Variants in GRIP1 observed in about 807,000 individuals in gnomAD.
The protein encoded by GRIP1 is glutamate receptor-interacting protein 1.
A neutral mutation model predicts 129.9 loss-of-function variants in GRIP1; 45 were observed. The ratio of observed to expected loss-of-function variants is 0.35; its 90% CI spans 0.27 to 0.44. The LOEUF (loss-of-function observed/expected upper bound fraction) is 0.44, where lower values mean the gene tolerates loss of function less well. Ranked by LOEUF, GRIP1 falls within the 20% of genes least tolerant of loss-of-function variation. The pLI is 1.00. For missense variants in GRIP1, 1,196 were observed against 1,396.8 expected, an observed-to-expected ratio of 0.86 and a Z score of 2.29; for synonymous variants, 530 against 520.8, an observed-to-expected ratio of 1.02 and a Z score of -0.24.
intron 1 of GRIP1, among the ~76,000 whole-genome samples, chr12:66,788,673 G>T (rs1032488409): frequency 6.6e-6 from 1 of 152,042 alleles, no homozygotes; most frequent in Non-Finnish European, 1.5e-5. Context: ...GCATTTGCCG[G>T]GAGAAAAAGC....
chr12:66,907,829 C>G (rs972561822), intron 1 of GRIP1, among the ~76,000 whole-genome samples: 3 of 152,070 alleles, frequency 2.0e-5, no homozygotes, highest in Non-Finnish European at 1.5e-5. Flanking sequence ...TGCACAACAA[C>G]AAGTTCCATT....
At chr12:66,998,283 G>A (rs1011401930) in intron 1 of GRIP1, among the ~76,000 whole-genome samples, 5 of 152,058 alleles carry the variant, frequency 3.3e-5, no homozygotes. Flanking sequence ...TAGAAAGGCT[G>A]GACCACAGAG....
intron 1 of GRIP1, among the ~76,000 whole-genome samples, chr12:66,734,326 G>C (rs186085078): frequency 6.6e-6 from 1 of 152,184 alleles, no homozygotes; most frequent in Admixed American, 6.5e-5. Flanking sequence ...AATTGGAAGA[G>C]AACCTGTACT....
intron 1 of GRIP1, among the ~76,000 whole-genome samples, chr12:66,739,782 CT>C (rs2036730780): frequency 6.6e-6 from 1 of 152,024 alleles, no homozygotes; most frequent in African/African-American, 2.4e-5. Context: ...ATCCAGTCCC[CT>C]CTTTCTAACC....
intron 1 of GRIP1, among the ~76,000 whole-genome samples, chr12:66,704,641 A>T (rs1454454504): frequency 6.6e-6 from 1 of 152,120 alleles, no homozygotes; most frequent in Admixed American, 6.6e-5. Context: ...AGGTGGCAGG[A>T]AAGAGGTTAA....
At chr12:67,008,866 A>T (rs2135708960) in intron 1 of GRIP1, among the ~76,000 whole-genome samples, 1 of 152,264 alleles carries the variant, frequency 6.6e-6, no homozygotes, top group Admixed American at 6.5e-5. Flanking sequence ...TTTCACTAAC[A>T]ATATGTGCAT....
intron 1 of GRIP1, among the ~76,000 whole-genome samples, chr12:67,068,896 GA>G (rs1196277829): frequency 5.3e-4 from 58 of 108,590 alleles, no homozygotes; most frequent in African/African-American, 2.0e-3. Flanking sequence ...GAGTTCGCAA[GA>G]CGCCACCTGG....
chr12:66,475,050 C>G (rs1320218273), intron 7 of GRIP1, among the ~76,000 whole-genome samples: 6 of 152,104 alleles, frequency 3.9e-5, no homozygotes, highest in Non-Finnish European at 5.9e-5. Flanking sequence ...GATAAAGAGT[C>G]AAGACCCATC....
At chr12:66,605,040 T>A (rs191053596) in intron 1 of GRIP1, among the ~76,000 whole-genome samples, 1,973 of 128,504 alleles carry the variant, frequency 0.015, 51 homozygotes, top group African/African-American at 0.058. Flanking sequence ...AATATGAAAT[T>A]CAGAAGTCAC....
intron 1 of GRIP1, among the ~76,000 whole-genome samples, chr12:66,973,983 C>A (rs924692206): frequency 7.3e-6 from 1 of 136,072 alleles, no homozygotes; most frequent in East Asian, 2.0e-4. Flanking sequence ...AGTGTAATGG[C>A]GTGATCTCGG....
intron 19 of GRIP1, among the ~76,000 whole-genome samples, chr12:66,379,853 T>C (rs911912597): frequency 6.6e-6 from 1 of 152,174 alleles, no homozygotes; most frequent in Non-Finnish European, 1.5e-5. Context: ...TCATTTCCTC[T>C]TTCACAACTG....
At chr12:66,413,610 T>C (rs571726478) in intron 15 of GRIP1, among the ~76,000 whole-genome samples, 3 of 152,152 alleles carry the variant, frequency 2.0e-5, no homozygotes, top group Non-Finnish European at 2.9e-5. Context: ...GCTAGTATCA[T>C]CCTGATACCA....
At chr12:66,355,188 T>C (rs2054422084) in intron 23 of GRIP1, among the ~76,000 whole-genome samples, 1 of 152,158 alleles carries the variant, frequency 6.6e-6, no homozygotes, top group Non-Finnish European at 1.5e-5. Flanking sequence ...GAGACGACCC[T>C]CTTCACACGC....
chr12:66,492,644 G>T (rs894975539), intron 7 of GRIP1, among the ~76,000 whole-genome samples: 1 of 152,160 alleles, frequency 6.6e-6, no homozygotes, highest in African/African-American at 2.4e-5. Flanking sequence ...CCAATTAGAA[G>T]AATTTGATAT....
At chr12:66,813,121 C>T (rs937768417) in intron 1 of GRIP1, among the ~76,000 whole-genome samples, 3 of 152,040 alleles carry the variant, frequency 2.0e-5, no homozygotes, top group Non-Finnish European at 4.4e-5. Context: ...TCACGGTTCC[C>T]TAGGCTGTAC....
chr12:66,513,063 C>A (rs1236001291), intron 7 of GRIP1, among the ~76,000 whole-genome samples: 1 of 152,064 alleles, frequency 6.6e-6, no homozygotes, highest in East Asian at 1.9e-4. Flanking sequence ...CCCCAAGTGG[C>A]TAATTGTCCC....
intron 7 of GRIP1, among the ~76,000 whole-genome samples, chr12:66,493,253 G>A (rs970483958): frequency 1.3e-5 from 2 of 152,116 alleles, no homozygotes; most frequent in Non-Finnish European, 2.9e-5. Flanking sequence ...TCAGCAGTGA[G>A]TTTTCTTTTA....
chr12:66,987,122 A>G (rs956183774), intron 1 of GRIP1, among the ~76,000 whole-genome samples: 14 of 152,144 alleles, frequency 9.2e-5, no homozygotes, highest in Non-Finnish European at 1.5e-4. Context: ...CTTTCTAGGA[A>G]AGGGTGAGGA....
At chr12:66,820,710 A>G (rs1284449557) in intron 1 of GRIP1, among the ~76,000 whole-genome samples, 1 of 152,150 alleles carries the variant, frequency 6.6e-6, no homozygotes, top group Admixed American at 6.6e-5. Context: ...AAAAGAAATG[A>G]AGGAAAATTC....
Sources: allele counts gnomAD v4.1 joint callset (sites outside exome capture counted in the v4.1 genomes callset), GRCh38; gene constraint gnomAD v4.1.1; transcripts MANE v1.5; gene names NCBI Gene and HGNC (gene_info 2026-07-23, HGNC 2026-07-21).